The following ALPK2 variants were observed in gnomAD, a reference collection of about 807,000 sequenced individuals.
ALPK2 encodes the protein alpha kinase 2.
In ALPK2, 127 loss-of-function variants were observed where a neutral mutation model predicts 163.1. The observed-to-expected ratio is 0.78, with a 90% CI of 0.67 to 0.90. ALPK2 has a LOEUF of 0.90. ALPK2 is among the 40% of genes least tolerant of loss of function. The pLI is 0.00. For synonymous variants in ALPK2, 953 were observed against 959.1 expected (o/e 0.99, Z 0.12); for missense variants, 2,360 against 2,589.6 (o/e 0.91, Z 1.92).
intron 4 of ALPK2, among the ~76,000 whole-genome samples, chr18:58,576,673 C>G (rs2051923557): frequency 6.6e-6 from 1 of 152,132 alleles, no homozygotes; most frequent in Non-Finnish European, 1.5e-5. Context: ...ACAGGTATCT[C>G]CTACAACTAA....
intron 3 of ALPK2, chr18:58,600,503 T>A (rs1207439138): frequency 6.6e-6 from 1 of 152,180 alleles, no homozygotes; most frequent in East Asian, 1.9e-4. Context: ...GACAAGCACT[T>A]ACAAAGAGCT....
intron 11 of ALPK2, among the ~76,000 whole-genome samples, chr18:58,498,925 C>T (rs564751626): frequency 6.6e-6 from 1 of 152,270 alleles, no homozygotes; most frequent in East Asian, 1.9e-4. Context: ...TGGACTAACA[C>T]AGGGCTCAAG....
At position 58,524,000 on chromosome 18, in the gene ALPK2, A is replaced by G. The variant is rs1384253424; in HGVS notation, c.5564T>C (p.Leu1855Pro). 5.6e-6 allele frequency: 9 copies of G among 1,614,174 alleles called. No individual in the cohort carries two copies. The highest frequency in any genetic ancestry group is 1.3e-5 in the African/African-American group (1 of 75,054). ...GCTGTTCTTGATGCAGCAGTAATAG[A>G]GTCCCTGGTCCTTCGGACTGGCTTG... The part of the protein sequence containing the change: ...IVQASPKDQG[L>P]YYCCIKNSYG... The change falls in exon 7 of 13, where the codon CTC becomes CCC. Residue 1855 changes from leucine to proline, a missense_variant. Transcript: ENST00000361673.
intron 4 of ALPK2, among the ~76,000 whole-genome samples, chr18:58,576,266 C>T (rs1462549649): frequency 6.6e-6 from 1 of 152,070 alleles, no homozygotes; most frequent in Non-Finnish European, 1.5e-5. Context: ...CTCAGCTACT[C>T]AGGAGGCTGA....
chr18:58,587,898 C>T (rs913302499), intron 3 of ALPK2, among the ~76,000 whole-genome samples: 1 of 152,188 alleles, frequency 6.6e-6, no homozygotes, highest in East Asian at 1.9e-4. Flanking sequence ...TTATCACTGG[C>T]AACAAATACT....
Position 58,481,961 on chromosome 18 carries a change from G to A in ALPK2, c.6375C>T (p.Cys2125=), listed in dbSNP as rs536026243. The change falls in exon 13 of 13, where the codon TGC becomes TGT. Residue 2125 remains cysteine, a synonymous_variant. Transcript: ENST00000361673. ...GAAGGGATTTCAGTCCCAGCATTTT[G>A]CAATACTTGTTACACTGGTGTAGTG... ...FKALHQCNKY[C]KMLGLKSLQN... is the part of the protein sequence containing the mutation. The A allele has an allele frequency of 7.4e-6, 12 of 1,614,166 alleles. No individual in the cohort carries two copies. In the East Asian group the frequency reaches 2.5e-4, roughly 33 times the overall value.
chr18:58,617,760 C>T (rs1040931362), intron 1 of ALPK2, among the ~76,000 whole-genome samples: 1 of 152,150 alleles, frequency 6.6e-6, no homozygotes, highest in African/African-American at 2.4e-5. Context: ...GCTTTGTTGA[C>T]AGTTGGCTTA....
chr18:58,587,835 G>A (rs774640541), intron 3 of ALPK2, among the ~76,000 whole-genome samples: 8 of 152,134 alleles, frequency 5.3e-5, no homozygotes, highest in African/African-American at 9.7e-5. Context: ...GGAAAAAACT[G>A]GAAGTCCCTA....
At chr18:58,563,529 C>T (rs1182255189) in intron 4 of ALPK2, among the ~76,000 whole-genome samples, 1 of 152,108 alleles carries the variant, frequency 6.6e-6, no homozygotes, top group Non-Finnish European at 1.5e-5. Flanking sequence ...GAGAAAATGA[C>T]CAGGACTGTA....
At chr18:58,555,971 G>A (rs1338487369) in intron 4 of ALPK2, among the ~76,000 whole-genome samples, 3 of 152,038 alleles carry the variant, frequency 2.0e-5, no homozygotes, top group Non-Finnish European at 4.4e-5. Context: ...ACAGGCACCC[G>A]ACACCACGCC....
chr18:58,583,578 C>T (rs1011678358), intron 3 of ALPK2, among the ~76,000 whole-genome samples: 23 of 151,946 alleles, frequency 1.5e-4, no homozygotes, highest in Admixed American at 1.2e-3. Context: ...CTTCAGGAGG[C>T]TGAAGTGGGA....
At chr18:58,568,796 G>A (rs933594209) in intron 4 of ALPK2, among the ~76,000 whole-genome samples, 3 of 152,150 alleles carry the variant, frequency 2.0e-5, no homozygotes, top group Admixed American at 2.0e-4. Context: ...TGAACAGGAG[G>A]ATGTATATAA....
At chr18:58,615,689 T>C (rs947133261) in intron 1 of ALPK2, among the ~76,000 whole-genome samples, 1 of 152,246 alleles carries the variant, frequency 6.6e-6, no homozygotes, top group African/African-American at 2.4e-5. Flanking sequence ...TGGGTGTAAT[T>C]GTCACCTGCA....
chr18:58,514,620 G>A (rs1366065437), intron 10 of ALPK2, among the ~76,000 whole-genome samples: 1 of 152,058 alleles, frequency 6.6e-6, no homozygotes, highest in Non-Finnish European at 1.5e-5. Context: ...ATCGCCTTGT[G>A]ATATCTCTTG....
intron 3 of ALPK2, among the ~76,000 whole-genome samples, chr18:58,605,866 CA>C (rs1263904080): frequency 6.6e-6 from 1 of 152,194 alleles, no homozygotes; most frequent in Non-Finnish European, 1.5e-5. Flanking sequence ...CCAGAGTTGA[CA>C]TTTTGTAAGG....
At chr18:58,555,451 C>G (rs1270747380) in intron 4 of ALPK2, among the ~76,000 whole-genome samples, 4 of 152,182 alleles carry the variant, frequency 2.6e-5, no homozygotes, top group African/African-American at 9.7e-5. Context: ...CACAAAAGAG[C>G]AAAGGTAAGC....
intron 11 of ALPK2, among the ~76,000 whole-genome samples, chr18:58,499,397 A>C (rs887494984): frequency 2.0e-5 from 3 of 152,140 alleles, no homozygotes; most frequent in African/African-American, 7.2e-5. Context: ...TCTGTAGTGG[A>C]AAGAGCCACC....
chr18:58,516,959 C>T lies in ALPK2; in HGVS notation c.5889G>A (p.Gly1963=), dbSNP rs201587462. The stretch of plus-strand genomic sequence containing the variant: ...GGATGAGCTCATCATTATTTCTGGT[C>T]CCATAGGCAATGGCATTGTGCACCT... The part of the protein sequence containing the change: ...VLKVHNAIAY[G]TRNNDELIQR... Residue 1963 remains glycine, a synonymous_variant, in exon 9 of 13, where the codon GGG becomes GGA. Coordinates refer to ENST00000361673, the MANE Select transcript of ALPK2 (RefSeq NM_052947.4). The T allele has an allele frequency of 2.0e-5, 33 of 1,614,122 alleles. No individual in the cohort carries two copies. The East Asian group carries it at 7.1e-4, about 35-fold the overall frequency.
chr18:58,573,412 G>GT (rs113581403), intron 4 of ALPK2, among the ~76,000 whole-genome samples: 1,417 of 135,404 alleles, frequency 0.01, 13 homozygotes, highest in South Asian at 0.031. Flanking sequence ...ATATATATAT[G>GT]TTTTTTTTTT....
Sources: allele counts gnomAD v4.1 joint callset (sites outside exome capture counted in the v4.1 genomes callset), GRCh38; gene constraint gnomAD v4.1.1; transcripts MANE v1.5; gene names NCBI Gene and HGNC (gene_info 2026-07-23, HGNC 2026-07-21).